CPE: variants seen among roughly 807,000 people sequenced by gnomAD.
The protein encoded by CPE is carboxypeptidase E.
A neutral mutation model predicts 53.5 loss-of-function variants in CPE; 17 were observed. That is an observed-to-expected ratio of 0.32 (90% CI 0.22 to 0.48). The LOEUF is 0.48. Ranked by LOEUF, CPE falls within the 20% of genes least tolerant of loss-of-function variation. The pLI, the probability that CPE is intolerant of heterozygous loss-of-function variation, is 0.99. For missense variants in CPE, 524 were observed against 614.7 expected, an observed-to-expected ratio of 0.85 and a Z score of 1.56; for synonymous variants, 226 against 228.8, an observed-to-expected ratio of 0.99 and a Z score of 0.11.
intron 1 of CPE, chr4:165,386,147 G>A: frequency 4.3e-6 from 2 of 466,444 alleles, no homozygotes; most frequent in Non-Finnish European, 8.5e-6. Context: ...ACAATAATGT[G>A]ATGATTAAAT....
chr4:165,451,325 AG>A (rs1731803827), intron 1 of CPE, among the ~76,000 whole-genome samples: 1 of 152,170 alleles, frequency 6.6e-6, no homozygotes, highest in Admixed American at 6.5e-5. Context: ...CCAACAGGGA[AG>A]ATCATCTATA....
At chr4:165,438,489 A>G (rs1359710150) in intron 1 of CPE, among the ~76,000 whole-genome samples, 1 of 152,118 alleles carries the variant, frequency 6.6e-6, no homozygotes, top group African/African-American at 2.4e-5. Context: ...GGTGTATTTT[A>G]TCAACATGTA....
intron 1 of CPE, among the ~76,000 whole-genome samples, chr4:165,432,295 C>A (rs993458741): frequency 6.6e-6 from 1 of 152,050 alleles, no homozygotes; most frequent in Non-Finnish European, 1.5e-5. Context: ...ATTTTAAAAT[C>A]ATTTTTGTGT....
chr4:165,387,598 C>T (rs1323063795), intron 1 of CPE, among the ~76,000 whole-genome samples: 7 of 152,148 alleles, frequency 4.6e-5, no homozygotes, highest in Middle Eastern at 3.4e-3. Context: ...ATCACGAGGT[C>T]GGGAGTTCAA....
chr4:165,470,404 G>C (rs956089646), intron 3 of CPE, among the ~76,000 whole-genome samples: 1 of 152,118 alleles, frequency 6.6e-6, no homozygotes, highest in African/African-American at 2.4e-5. Context: ...TTGTATGCAT[G>C]CTCTCTTGAG....
intron 6 of CPE, among the ~76,000 whole-genome samples, chr4:165,488,542 T>C (rs962789339): frequency 3.9e-5 from 6 of 152,172 alleles, no homozygotes; most frequent in African/African-American, 1.2e-4. Context: ...CTGCAGTTCT[T>C]TGCCAGTCTT....
intron 2 of CPE, among the ~76,000 whole-genome samples, chr4:165,466,331 G>A (rs1313377621): frequency 3.3e-5 from 5 of 152,110 alleles, no homozygotes; most frequent in Non-Finnish European, 7.3e-5. Flanking sequence ...CTTTGGACAG[G>A]GCTTTTACCA....
At chr4:165,479,679 A>G (rs1418696007) in intron 3 of CPE, among the ~76,000 whole-genome samples, 1 of 152,076 alleles carries the variant, frequency 6.6e-6, no homozygotes, top group Non-Finnish European at 1.5e-5. Flanking sequence ...TGTGTAGGTC[A>G]GAGCTAATTT....
At chr4:165,393,733 G>T (rs1730719612) in intron 1 of CPE, among the ~76,000 whole-genome samples, 1 of 152,152 alleles carries the variant, frequency 6.6e-6, no homozygotes, top group Admixed American at 6.5e-5. Context: ...GGCATTACTG[G>T]AATGTAACTT....
At chr4:165,419,561 G>T (rs1731173108) in intron 1 of CPE, among the ~76,000 whole-genome samples, 1 of 151,930 alleles carries the variant, frequency 6.6e-6, no homozygotes, top group Non-Finnish European at 1.5e-5. Context: ...TTATAATTGG[G>T]GAAATGTAAG....
intron 1 of CPE, among the ~76,000 whole-genome samples, chr4:165,452,974 TTC>T (rs1055256236): frequency 2.0e-5 from 3 of 152,118 alleles, no homozygotes; most frequent in Non-Finnish European, 4.4e-5. Flanking sequence ...CAGCACAATT[TTC>T]TTTCTTTCTT....
At position 165,448,524 on chromosome 4, in the gene CPE, G is replaced by A. The variant is rs149889291; in HGVS notation, c.308-15866G>A. Among the ~76,000 whole-genome samples, 228 of 152,186 alleles carry A rather than the reference G, an allele frequency of 1.5e-3. 1 individual carries two copies. The highest frequency in any genetic ancestry group is 5.3e-3 in the African/African-American group (219 of 41,530). ...CATCTTCTGTGTGGGCCCTAACGGG[G>A]AGCAGGAAATGCCCCACTTCTCTCT... On this transcript the variant is annotated intron_variant, in intron 1 of 8. Coordinates refer to ENST00000402744, the MANE Select transcript of CPE (RefSeq NM_001873.4).
rs781449053 is a variant in CPE at position 165,478,293 on chromosome 4, T to C, written c.673-3949T>C. 2.6e-5 allele frequency among the ~76,000 whole-genome samples: 4 copies of C among 152,238 alleles called. No homozygotes were observed. The East Asian group carries it at 7.7e-4, about 29-fold the overall frequency. ...GTCTTCTCTGTGGATCAGTTAAATATATAATTATAGTACACAGGGGTCTCA... is the reference window on the plus strand; with the variant it reads ...GTCTTCTCTGTGGATCAGTTAAATACATAATTATAGTACACAGGGGTCTCA... On this transcript the variant is annotated intron_variant, in intron 3 of 8. Coordinates refer to ENST00000402744, the MANE Select transcript of CPE (RefSeq NM_001873.4).
intron 1 of CPE, among the ~76,000 whole-genome samples, chr4:165,423,593 T>C (rs1316421723): frequency 1.3e-5 from 2 of 152,062 alleles, no homozygotes; most frequent in Non-Finnish European, 2.9e-5. Flanking sequence ...AATTCCCTGT[T>C]GCTAGATTAC....
At chr4:165,429,642 C>T (rs1579257611) in intron 1 of CPE, among the ~76,000 whole-genome samples, 3 of 151,074 alleles carry the variant, frequency 2.0e-5, no homozygotes, top group African/African-American at 2.4e-5. Context: ...GTGGAGGATG[C>T]AATGAATCGA....
chr4:165,429,866 A>T (rs1343909346), intron 1 of CPE, among the ~76,000 whole-genome samples: 1 of 152,204 alleles, frequency 6.6e-6, no homozygotes, highest in African/African-American at 2.4e-5. Flanking sequence ...TTGGGTTTTT[A>T]AAAATGCTGT....
intron 1 of CPE, among the ~76,000 whole-genome samples, chr4:165,385,688 G>A (rs1730580303): frequency 6.6e-6 from 1 of 152,080 alleles, no homozygotes; most frequent in African/African-American, 2.4e-5. Flanking sequence ...TAATCATCAA[G>A]CAAGCTTGAA....
chr4:165,406,226 A>G, intron 1 of CPE: 1 of 662,404 alleles, frequency 1.5e-6, no homozygotes, highest in Non-Finnish European at 2.9e-6. Context: ...CTCCATAGTT[A>G]ATATGGGTTC....
chr4:165,471,876 C>T (rs982848528), intron 3 of CPE, among the ~76,000 whole-genome samples: 6 of 152,162 alleles, frequency 3.9e-5, no homozygotes, highest in Non-Finnish European at 8.8e-5. Context: ...TCCAGTCAAA[C>T]CCTTGGTAAA....
Sources: allele counts gnomAD v4.1 joint callset (sites outside exome capture counted in the v4.1 genomes callset), GRCh38; gene constraint gnomAD v4.1.1; transcripts MANE v1.5; gene names NCBI Gene and HGNC (gene_info 2026-07-23, HGNC 2026-07-21).